MYBPC3: variants seen among roughly 807,000 people sequenced by gnomAD.
The protein encoded by MYBPC3 is myosin-binding protein C, cardiac-type.
Under a neutral mutation model 159.3 loss-of-function variants are expected in MYBPC3, and 108 were observed. The ratio of observed to expected loss-of-function variants is 0.68; its 90% CI spans 0.58 to 0.80. The LOEUF (loss-of-function observed/expected upper bound fraction) is 0.80, where lower values mean the gene tolerates loss of function less well. MYBPC3 is among the 30% of genes least tolerant of loss of function. The probability of loss-of-function intolerance (pLI) is 0.00; values close to 1 mark genes in which losing one functional copy is unlikely to be tolerated. For missense variants in MYBPC3, 1,631 were observed against 1,762.1 expected, an observed-to-expected ratio of 0.93 and a Z score of 1.33; for synonymous variants, 730 against 702.0, an observed-to-expected ratio of 1.04 and a Z score of -0.63.
rs746979805 is a variant in MYBPC3, at chr11:47,343,143, T to TACC, written c.1227-1_1228dup (p.Lys409_Tyr410insTrp). 2 of 1,610,632 alleles carry TACC rather than the reference T, an allele frequency of 1.2e-6. No homozygotes were observed. The highest frequency in any genetic ancestry group is 8.5e-7 in the Non-Finnish European group (1 of 1,178,502). ...CTTGGCACCGATGGACTCAAAGATGTACCTGGGTGGGGGCCGCAGGGAAGT... is the reference window on the plus strand; with the variant it reads ...CTTGGCACCGATGGACTCAAAGATGTACCACCTGGGTGGGGGCCGCAGGGAAGT... On this transcript the variant is annotated inframe_insertion and splice_region_variant, in exon 15 of 35. Coordinates refer to ENST00000545968, the MANE Select transcript of MYBPC3 (RefSeq NM_000256.3).
chr11:47,338,444 C>A lies in MYBPC3; in HGVS notation c.2308+76G>T. On this transcript the variant is annotated intron_variant, in intron 23 of 34. Coordinates refer to ENST00000545968, the MANE Select transcript of MYBPC3 (RefSeq NM_000256.3). This position sits in a 1 kb window ranked among gnomAD's most constrained non-coding sequence, Gnocchi z 4.7. ...CATGCCCGTGATGTTTGTCGAGTGGCTGAATGAGCGAACGGATGGGCCCTC... is the reference window on the plus strand; with the variant it reads ...CATGCCCGTGATGTTTGTCGAGTGGATGAATGAGCGAACGGATGGGCCCTC... 1 of 1,594,562 alleles carries A rather than the reference C, an allele frequency of 6.3e-7. No individual in the cohort carries two copies. The highest frequency in any genetic ancestry group is 1.3e-5 in the African/African-American group (1 of 74,728).
chr11:47,343,296 G>A lies in MYBPC3; in HGVS notation c.1224-34C>T, dbSNP rs373571179. On this transcript the variant is annotated intron_variant, in intron 13 of 34. Transcript: ENST00000545968. ...CAGAAGGGGCCGTTGAAGTGTTCCCGACGGGAGGAAGTGAGCCCGAGACAA... is the reference window on the plus strand; with the variant it reads ...CAGAAGGGGCCGTTGAAGTGTTCCCAACGGGAGGAAGTGAGCCCGAGACAA... 7.9e-5 allele frequency: 122 copies of A among 1,537,468 alleles called. No individual in the cohort carries two copies. Among genetic ancestry groups the A allele is most frequent in the South Asian group, 6.1e-4 (49 of 80,528 alleles).
In MYBPC3 at chr11:47,346,435, G is replaced by A; in HGVS notation, c.927-65C>T. ...GCAGCCCCCTGGGCGGGGCTTCCTG[G>A]GCCCAGGACCAAGGAGCTGTAGCCA... On this transcript the variant is annotated intron_variant, in intron 11 of 34. Coordinates refer to ENST00000545968, the MANE Select transcript of MYBPC3 (RefSeq NM_000256.3). The surrounding 1 kb of genome is among the most constrained non-coding windows in gnomAD (Gnocchi z 5.3). 2 of 1,482,802 alleles carry A rather than the reference G, an allele frequency of 1.3e-6. No individual in the cohort carries two copies. Among genetic ancestry groups the A allele is most frequent in the Non-Finnish European group, 1.8e-6 (2 of 1,111,124 alleles). The allele number at this position is 1,482,802 out of a possible 1,614,324, so 91.9% of individuals were successfully genotyped here.
chr11:47,333,821 G>T, intron 28 of MYBPC3, 69 bp from the exon 29 acceptor site: 2 of 1,548,316 alleles, frequency 1.3e-6, no homozygotes, highest in South Asian at 1.2e-5. Flanking sequence ...CCAGCCTCTG[G>T]TACCTCAGAT....
In MYBPC3 at chr11:47,332,078, C is replaced by T. The variant is rs1064796634; in HGVS notation, c.3808G>A (p.Val1270Met). The change falls in exon 33 of 35, where the codon GTG (valine) becomes ATG (methionine). Residue 1270 changes from valine (V) to methionine (M), a missense_variant. Transcript: ENST00000545968. This position sits in a 1 kb window ranked among gnomAD's most constrained non-coding sequence, Gnocchi z 4.2. ...GGCCCCGAGGGCTCCTCACCTCGCA[C>T]CTCCAGGCGGCACTCACACCGTGCC... The part of the protein sequence containing the change: ...GEARCECRLE[V>M]RVPQ 3 of 1,609,872 alleles carry T rather than the reference C, an allele frequency of 1.9e-6. No individual in the cohort carries two copies. Among genetic ancestry groups the T allele is most frequent in the Middle Eastern group, 1.7e-4 (1 of 5,994 alleles).
rs373164247 is a variant in MYBPC3 at position 47,351,383 on chromosome 11, T to G, written c.148A>C (p.Ser50Arg). The change falls in exon 2 of 35, where the codon AGC (serine) becomes CGC (arginine). Residue 50 changes from serine (S) to arginine (R), a missense_variant. Physicochemically the swap from Ser to Arg is moderately radical, Grantham distance 110. Transcript: ENST00000545968. This position sits in a 1 kb window ranked among gnomAD's most constrained non-coding sequence, Gnocchi z 4.2. ...VRWQRGGSDISASNKYGLATE... is the reference protein window; with the variant it reads ...VRWQRGGSDIRASNKYGLATE... ...GCCAGGCCGTACTTGTTGCTGGCGCTGATGTCACTGCCTCCGCGCTGCCAG... is the reference window on the plus strand; with the variant it reads ...GCCAGGCCGTACTTGTTGCTGGCGCGGATGTCACTGCCTCCGCGCTGCCAG... The G allele has an allele frequency of 6.2e-7, 1 of 1,609,334 alleles. No homozygotes were observed. Among genetic ancestry groups the G allele is most frequent in the Admixed American group, 1.7e-5 (1 of 59,588 alleles).
intron 8 of MYBPC3, 84 bp downstream of exon 8, chr11:47,347,567 G>A (rs1164742292): frequency 6.4e-7 from 1 of 1,558,324 alleles, no homozygotes; most frequent in African/African-American, 1.4e-5. Context: ...AGGGAGAAAG[G>A]GACACTAGCC....
In MYBPC3 at chr11:47,342,617, T is replaced by A. The variant is rs1165486681; in HGVS notation, c.1585A>T (p.Thr529Ser). 6.2e-7 allele frequency: 1 copy of A among 1,613,526 alleles called. No homozygotes were observed. Among genetic ancestry groups the A allele is most frequent in the African/African-American group, 1.3e-5 (1 of 74,946 alleles). ...TCAGCCAGCGCCTGGCCCCCGCTAGTGCACAGTGCATAGTGCCCCGCGTCC... is the reference window on the plus strand; with the variant it reads ...TCAGCCAGCGCCTGGCCCCCGCTAGAGCACAGTGCATAGTGCCCCGCGTCC... ...LEDAGHYALCTSGGQALAELI... is the reference protein window; with the variant it reads ...LEDAGHYALCSSGGQALAELI... Residue 529 changes from threonine to serine, a missense_variant, in exon 17 of 35, where the codon ACT becomes TCT. Thr to Ser is a moderately conservative substitution (Grantham distance 58). Coordinates refer to ENST00000545968, the MANE Select transcript of MYBPC3 (RefSeq NM_000256.3).
chr11:47,342,501 C>A, intron 17 of MYBPC3, 77 bp downstream of exon 17: 1 of 1,438,650 alleles, frequency 7.0e-7, no homozygotes, highest in East Asian at 2.5e-5. Flanking sequence ...TTTGCCTGCT[C>A]CCCTACAGGG....
rs2095889959 is a variant in MYBPC3, at chr11:47,342,663, G to A, written c.1539C>T (p.Ile513=). Residue 513 remains isoleucine (I), a synonymous_variant, in exon 17 of 35, where the codon ATC becomes ATT. Coordinates refer to ENST00000545968, the MANE Select transcript of MYBPC3 (RefSeq NM_000256.3). ...CGTCCTCCAGCATGGCCTCGTTGAT[G>A]ATCAGGTGGTGTCTCTGCCCGTCCT... ...FKKDGQRHHL[I]INEAMLEDAG... 1 of 1,613,928 alleles carries A rather than the reference G, an allele frequency of 6.2e-7. No individual in the cohort carries two copies. Among genetic ancestry groups the A allele is most frequent in the Non-Finnish European group, 8.5e-7 (1 of 1,179,902 alleles).
At chr11:47,343,436 A>G in intron 13 of MYBPC3, 56 bp downstream of exon 13, 1 of 1,532,526 alleles carries the variant, frequency 6.5e-7, no homozygotes, top group Non-Finnish European at 8.8e-7. Flanking sequence ...GGCAGGAGGC[A>G]AGGCTATGGG....
At position 47,341,068 on chromosome 11, in the gene MYBPC3, A is replaced by G. The variant is rs774393256; in HGVS notation, c.1898-36T>C. 1.5e-5 allele frequency: 23 copies of G among 1,572,230 alleles called. No individual in the cohort carries two copies. The South Asian group carries it at 2.4e-4, about 17-fold the overall frequency. On this transcript the variant is annotated intron_variant, in intron 19 of 34. Transcript: ENST00000545968. ...AGGAAGAGCAAGTAGCACGGGGGCA[A>G]AGGCAGGGCCCAGTGACAGGGGCTC...
At chr11:47,340,146 TAC>T (rs1348595989) in intron 20 of MYBPC3, among the ~76,000 whole-genome samples, 10 of 151,030 alleles carry the variant, frequency 6.6e-5, no homozygotes, top group Non-Finnish European at 1.2e-4. Flanking sequence ...CATATACACA[TAC>T]ACACAGACAC....
In MYBPC3 at chr11:47,343,548, G is replaced by C. The variant is rs1292522713; in HGVS notation, c.1167C>G (p.Asp389Glu). 2 of 1,611,804 alleles carry C rather than the reference G, an allele frequency of 1.2e-6. No homozygotes were observed. The highest frequency in any genetic ancestry group is 1.7e-6 in the Non-Finnish European group (2 of 1,179,246). The change falls in exon 13 of 35, where the codon GAC becomes GAG. Residue 389 changes from aspartate (D) to glutamate (E), a missense_variant. By Grantham distance (45) the Asp-to-Glu change is conservative. Coordinates refer to ENST00000545968, the MANE Select transcript of MYBPC3 (RefSeq NM_000256.3). ...HKIRLTVELA[D>E]HDAEVKWLKN... Reference sequence around the variant, plus strand: ...TGAGCCATTTGACCTCAGCGTCATGGTCAGCCAGTTCCACGGTCAGCCGGA... The same window carrying C: ...TGAGCCATTTGACCTCAGCGTCATGCTCAGCCAGTTCCACGGTCAGCCGGA...
At position 47,349,668 on chromosome 11, in the gene MYBPC3, A is replaced by C. The variant is rs2095898245; in HGVS notation, c.654+106T>G. ...CAGATTCCCCACACCCCTTGCTTGCAGCTCGTGTGTGCCTCTGGGTCTCAT... is the reference window on the plus strand; with the variant it reads ...CAGATTCCCCACACCCCTTGCTTGCCGCTCGTGTGTGCCTCTGGGTCTCAT... On this transcript the variant is annotated intron_variant, in intron 5 of 34. Transcript: ENST00000545968. 22 of 1,426,856 alleles carry C rather than the reference A, an allele frequency of 1.5e-5. 2 individuals carry two copies. In the South Asian group the frequency reaches 3.1e-4, roughly 20 times the overall value. 88.4% of individuals were successfully genotyped at this position (1,426,856 alleles called of 1,614,324 possible).
At chr11:47,348,928 T>TATATATATATATATATATATATATG in intron 5 of MYBPC3, among the ~76,000 whole-genome samples, 1 of 9,920 alleles carries the variant, frequency 1.0e-4, no homozygotes, top group Non-Finnish European at 2.2e-4. Context: ...ATATATATAT[T>TATATATATATATATATATATATATG]TAAAGGAGGC....
rs2095878931 is a variant in MYBPC3 at position 47,333,199 on chromosome 11, T to C, written c.3325A>G (p.Thr1109Ala). 1.9e-6 allele frequency: 3 copies of C among 1,602,344 alleles called. No individual in the cohort carries two copies. The Admixed American group carries it at 5.1e-5, about 27-fold the overall frequency. Residue 1109 changes from threonine to alanine, a missense_variant, in exon 30 of 35, where the codon ACC becomes GCC. Transcript: ENST00000545968. ...ACCCCAGACCCTGGGCTCACCATGGTCTTCTTGTCGGCTTTCTGCACTGTG... is the reference window on the plus strand; with the variant it reads ...ACCCCAGACCCTGGGCTCACCATGGCCTTCTTGTCGGCTTTCTGCACTGTG... ...GYTVQKADKKTMEWFTVLEHY... is the reference protein window; with the variant it reads ...GYTVQKADKKAMEWFTVLEHY...
At chr11:47,348,609 A>G in intron 5 of MYBPC3, 68 bp from the exon 6 acceptor site, 1 of 1,306,658 alleles carries the variant, frequency 7.7e-7, no homozygotes, top group Non-Finnish European at 1.1e-6. Context: ...CGCACCCTTA[A>G]AGGAGACTGG....
At chr11:47,344,990 A>C (rs910162277) in intron 12 of MYBPC3, among the ~76,000 whole-genome samples, 1 of 152,108 alleles carries the variant, frequency 6.6e-6, no homozygotes, top group Non-Finnish European at 1.5e-5. Context: ...GGGTTTCACC[A>C]TGTTGGTCAG....
Sources: allele counts gnomAD v4.1 joint callset (sites outside exome capture counted in the v4.1 genomes callset), GRCh38; gene constraint gnomAD v4.1.1; non-coding constraint Gnocchi (gnomAD v3.1); transcripts MANE v1.5; gene names NCBI Gene and HGNC (gene_info 2026-07-23, HGNC 2026-07-21).